LMF1: variants seen among roughly 807,000 people sequenced by gnomAD.
LMF1 encodes transmembrane protein 112.
A neutral mutation model predicts 60.6 loss-of-function variants in LMF1; 68 were observed. The ratio of observed to expected loss-of-function variants is 1.12; its 90% CI spans 0.92 to 1.37. LMF1 has a LOEUF of 1.37. LMF1 is among the 40% of genes most tolerant of loss of function. LMF1 has a pLI of 0.00. For synonymous variants in LMF1, 418 were observed against 324.7 expected, an observed-to-expected ratio of 1.29 and a Z score of -3.09; for missense variants, 948 against 767.2, an observed-to-expected ratio of 1.24 and a Z score of -2.78.
chr16:964,976 G>A (rs1010371652), intron 1 of LMF1, among the ~76,000 whole-genome samples: 9 of 152,240 alleles, frequency 5.9e-5, no homozygotes, highest in Non-Finnish European at 1.2e-4. Flanking sequence ...ATGCCTCCAC[G>A]CCTAAAGGAC....
At chr16:909,883 C>T (rs761994298) in intron 4 of LMF1, among the ~76,000 whole-genome samples, 2 of 152,268 alleles carry the variant, frequency 1.3e-5, no homozygotes, top group South Asian at 2.1e-4. Flanking sequence ...ACACTCTGGC[C>T]GTGGCCCTGG....
At chr16:894,112 C>A (rs1363750574) in intron 4 of LMF1, among the ~76,000 whole-genome samples, 4 of 142,246 alleles carry the variant, frequency 2.8e-5, no homozygotes, top group Admixed American at 6.9e-5. Flanking sequence ...ACCCATGCCC[C>A]TGTCCACCGG....
Position 868,927 on chromosome 16 carries a change from C to G in LMF1, c.1529+17G>C, listed in dbSNP as rs1374480441. The G allele has an allele frequency of 3.9e-6, 6 of 1,528,000 alleles. No homozygotes were observed. The African/African-American group carries it at 8.2e-5, about 21-fold the overall frequency. The allele number at this position is 1,528,000 out of a possible 1,614,324, so 94.7% of individuals were successfully genotyped here. ...TTTGGGGGAGACCCCTGAGCAGCGGCAGGGAGGGCATCCTACCTGGGCGGG... is the reference window on the plus strand; with the variant it reads ...TTTGGGGGAGACCCCTGAGCAGCGGGAGGGAGGGCATCCTACCTGGGCGGG... On this transcript the variant is annotated intron_variant, in intron 10 of 10. Coordinates refer to ENST00000262301, the MANE Select transcript of LMF1 (RefSeq NM_022773.4).
Position 962,756 on chromosome 16 carries a change from C to A in LMF1, c.193+8032G>T, listed in dbSNP as rs994005719. ...GAGACGCCAGGACAAAACCGGGTCC[C>A]AGAACGGAACAGGCACGGGTGGAAA... On this transcript the variant is annotated intron_variant, in intron 1 of 10. Transcript: ENST00000262301. This position sits in a 1 kb window ranked among gnomAD's most constrained non-coding sequence, Gnocchi z 4.5. Among the ~76,000 whole-genome samples the A allele has an allele frequency of 3.3e-5, 5 of 152,142 alleles. No homozygotes were observed. The highest frequency in any genetic ancestry group is 7.3e-5 in the Non-Finnish European group (5 of 68,042).
Position 911,029 on chromosome 16 carries a change from G to A in LMF1, c.565C>T (p.Pro189Ser). 6.2e-7 allele frequency: 1 copy of A among 1,613,070 alleles called. No individual in the cohort carries two copies. The highest frequency in any genetic ancestry group is 8.5e-7 in the Non-Finnish European group (1 of 1,179,834). ...GGCAGCCTTGACAGCGTCCACAGAGGGCACAGGAAGATCCCCAGGAACCCC... is the reference window on the plus strand; with the variant it reads ...GGCAGCCTTGACAGCGTCCACAGAGAGCACAGGAAGATCCCCAGGAACCCC... ...ETGFLGIFLC[P>S]LWTLSRLPQH... Residue 189 changes from proline (P) to serine (S), a missense_variant, in exon 4 of 11, where the codon CCT becomes TCT. By Grantham distance (74) the Pro-to-Ser change is moderately conservative. Transcript: ENST00000262301.
intron 2 of LMF1, among the ~76,000 whole-genome samples, chr16:936,399 A>T (rs373323787): frequency 5.9e-4 from 55 of 93,594 alleles, no homozygotes; most frequent in Middle Eastern, 6.5e-3. Flanking sequence ...CTGAGGAAGC[A>T]GGCTGGGAGG....
chr16:960,003 T>C (rs943032083), intron 1 of LMF1, among the ~76,000 whole-genome samples: 5 of 152,016 alleles, frequency 3.3e-5, no homozygotes, highest in Non-Finnish European at 5.9e-5. Flanking sequence ...CAATCAAATG[T>C]GTGAAATGAG....
intron 10 of LMF1, among the ~76,000 whole-genome samples, chr16:859,233 A>T (rs1208489570): frequency 5.3e-3 from 290 of 54,524 alleles, no homozygotes; most frequent in African/African-American, 0.012. Context: ...CAGTGGTGTC[A>T]CGGGACGGGT....
chr16:949,983 C>T (rs1293464458), intron 2 of LMF1, among the ~76,000 whole-genome samples: 12 of 135,194 alleles, frequency 8.9e-5, no homozygotes, highest in Middle Eastern at 5.8e-3. Flanking sequence ...TCAGAGCCAA[C>T]GACAGAGTCA....
At chr16:863,766 T>G (rs1291164402) in intron 10 of LMF1, among the ~76,000 whole-genome samples, 1 of 152,254 alleles carries the variant, frequency 6.6e-6, no homozygotes, top group Non-Finnish European at 1.5e-5. Flanking sequence ...CCTGAGTAGC[T>G]GGGACTACAG....
At chr16:902,275 C>G (rs932043808) in intron 4 of LMF1, 1 of 152,504 alleles carries the variant, frequency 6.6e-6, no homozygotes, top group African/African-American at 2.4e-5. Flanking sequence ...CTCCAGCCCC[C>G]GCAGGCCGAT....
At chr16:886,127 C>A (rs112995010) in intron 5 of LMF1, among the ~76,000 whole-genome samples, 1 of 152,198 alleles carries the variant, frequency 6.6e-6, no homozygotes, top group African/African-American at 2.4e-5. Context: ...TTCTCACAAC[C>A]GCCGTAGGGT....
At chr16:949,507 GACA>G (rs1413849189) in intron 2 of LMF1, among the ~76,000 whole-genome samples, 17 of 140,092 alleles carry the variant, frequency 1.2e-4, no homozygotes, top group African/African-American at 4.4e-4. Flanking sequence ...CAGAGTTAGA[GACA>G]ATGACAGAGT....
At chr16:977,722 G>A (rs999482836) in intron 1 of LMF1, among the ~76,000 whole-genome samples, 2 of 151,490 alleles carry the variant, frequency 1.3e-5, no homozygotes, top group Non-Finnish European at 2.9e-5. Context: ...GGGACGGAGG[G>A]GCACAGGGAA....
chr16:940,658 A>G (rs548253123), intron 2 of LMF1, among the ~76,000 whole-genome samples: 33 of 152,364 alleles, frequency 2.2e-4, no homozygotes, highest in African/African-American at 7.7e-4. Flanking sequence ...AGGTCAGATG[A>G]CAAACTGGAA....
chr16:896,899 A>G (rs1429803832), intron 4 of LMF1, among the ~76,000 whole-genome samples: 3 of 152,114 alleles, frequency 2.0e-5, no homozygotes, highest in South Asian at 4.1e-4. Flanking sequence ...TTCTCTCTAC[A>G]TTGCACATGT....
Position 955,458 on chromosome 16 carries a change from G to A in LMF1, c.194-792C>T, listed in dbSNP as rs59010277. 7.4e-4 allele frequency among the ~76,000 whole-genome samples: 40 copies of A among 54,276 alleles called. 2 individuals carry two copies. The highest frequency in any genetic ancestry group is 1.8e-3 in the African/African-American group (11 of 5,948). The allele number at this position is 54,276 out of a possible 152,430, so 35.6% of individuals were successfully genotyped here. ...CATAAAATGCGTGCCTGCAGCAGACGCGGTGTGTGCATACACACACACACA... is the reference window on the plus strand; with the variant it reads ...CATAAAATGCGTGCCTGCAGCAGACACGGTGTGTGCATACACACACACACA... On this transcript the variant is annotated intron_variant, in intron 1 of 10. Transcript: ENST00000262301.
intron 3 of LMF1, among the ~76,000 whole-genome samples, chr16:917,341 G>A (rs1261067319): frequency 1.0e-5 from 1 of 96,280 alleles, no homozygotes; most frequent in Admixed American, 1.1e-4. Flanking sequence ...TGTGTGCACT[G>A]CGGGTGGGCG....
intron 6 of LMF1, among the ~76,000 whole-genome samples, chr16:876,090 G>A (rs1280547800): frequency 2.0e-5 from 3 of 152,258 alleles, no homozygotes; most frequent in Non-Finnish European, 4.4e-5. Context: ...TGCGCCCTGT[G>A]GGAAGCACAT....
Sources: gnomAD v4.1 joint callset for allele counts (sites outside exome capture counted in the v4.1 genomes callset) on GRCh38, gnomAD v4.1.1 for gene constraint, Gnocchi (gnomAD v3.1) non-coding constraint, MANE v1.5 for transcripts, NCBI Gene and HGNC (gene_info 2026-07-23, HGNC 2026-07-21) for gene names.